Variants in AGBL4 observed in about 807,000 individuals in gnomAD.
AGBL4 encodes cytosolic carboxypeptidase 6.
In AGBL4, 58 loss-of-function variants were observed where a neutral mutation model predicts 66.4. The ratio of observed to expected loss-of-function variants is 0.87; its 90% CI spans 0.71 to 1.09. The LOEUF (loss-of-function observed/expected upper bound fraction) is 1.09, where lower values mean the gene tolerates loss of function less well. AGBL4 is among the 50% of genes least tolerant of loss of function. The probability of loss-of-function intolerance (pLI) is 0.00; values close to 1 mark genes in which losing one functional copy is unlikely to be tolerated. For synonymous variants in AGBL4, 234 were observed against 222.9 expected, an observed-to-expected ratio of 1.05 and a Z score of -0.44; for missense variants, 579 against 631.0, an observed-to-expected ratio of 0.92 and a Z score of 0.88.
At chr1:48,947,743 A>G (rs898642125) in intron 5 of AGBL4, among the ~76,000 whole-genome samples, 1 of 152,170 alleles carries the variant, frequency 6.6e-6, no homozygotes, top group Non-Finnish European at 1.5e-5. Context: ...CAGTCCCTCA[A>G]TGTAACTGAT....
chr1:49,639,440 A>G (rs1319137709), intron 3 of AGBL4, among the ~76,000 whole-genome samples: 1 of 152,224 alleles, frequency 6.6e-6, no homozygotes, highest in Non-Finnish European at 1.5e-5. Flanking sequence ...TATGTCTCAG[A>G]ACCACTATCA....
intron 3 of AGBL4, among the ~76,000 whole-genome samples, chr1:49,684,514 G>C (rs931085695): frequency 4.2e-4 from 64 of 152,232 alleles, no homozygotes; most frequent in Admixed American, 9.2e-4. Flanking sequence ...AAATTCCTCA[G>C]TGTGAAGCTC....
At chr1:49,207,542 TTTTCTTTCTTTCTTTCTTTCTTTCTTTC>T (rs71056688) in intron 4 of AGBL4, among the ~76,000 whole-genome samples, 3 of 78,030 alleles carry the variant, frequency 3.8e-5, no homozygotes, top group African/African-American at 9.7e-5. Flanking sequence ...TTTTTCTTTC[TTTTCTTTCTTTCTTTCTTTCTTTCTTTC>T]TTTCTTTCTT....
intron 6 of AGBL4, among the ~76,000 whole-genome samples, chr1:48,663,720 A>C (rs1570174211): frequency 6.6e-6 from 1 of 152,372 alleles, no homozygotes; most frequent in Non-Finnish European, 1.5e-5. Context: ...GGAGTAGAGA[A>C]GGTAGCTATT....
chr1:48,612,546 G>T (rs966794994), intron 9 of AGBL4, among the ~76,000 whole-genome samples: 3 of 152,180 alleles, frequency 2.0e-5, no homozygotes, highest in African/African-American at 7.2e-5. Context: ...CCTGGACATT[G>T]TCTCAGTACA....
Position 49,756,105 on chromosome 1 carries a change from T to A in AGBL4, c.158-58668A>T, listed in dbSNP as rs542145408. On this transcript the variant is annotated intron_variant, in intron 2 of 13. Coordinates refer to ENST00000371839, the MANE Select transcript of AGBL4 (RefSeq NM_032785.4). ...TATTTGAAATTATAAATTAAAAAAA[T>A]TTTTTTGAAATATCAATATAATTGC... is the stretch of plus-strand genomic sequence containing the variant. 4.7e-4 allele frequency among the ~76,000 whole-genome samples: 72 copies of A among 152,230 alleles called. 3 individuals are homozygous for A. The South Asian group carries it at 0.01, about 21-fold the overall frequency.
intron 3 of AGBL4, among the ~76,000 whole-genome samples, chr1:49,557,708 A>C (rs1284272043): frequency 6.6e-6 from 1 of 152,052 alleles, no homozygotes; most frequent in Non-Finnish European, 1.5e-5. Flanking sequence ...CCTAGGCCAT[A>C]AGGCCTTCAA....
At chr1:49,866,558 G>GT (rs1296254360) in intron 1 of AGBL4, among the ~76,000 whole-genome samples, 1 of 152,140 alleles carries the variant, frequency 6.6e-6, no homozygotes, top group Admixed American at 6.5e-5. Flanking sequence ...GAGGTCAGGA[G>GT]TTCGAGACCA....
chr1:48,945,961 G>A (rs1656467665), intron 5 of AGBL4, among the ~76,000 whole-genome samples: 1 of 152,150 alleles, frequency 6.6e-6, no homozygotes, highest in Non-Finnish European at 1.5e-5. Flanking sequence ...CACACAGTAA[G>A]TGTTCAATTA....
chr1:49,724,122 T>C (rs1648827475), intron 2 of AGBL4, among the ~76,000 whole-genome samples: 1 of 152,186 alleles, frequency 6.6e-6, no homozygotes, highest in Non-Finnish European at 1.5e-5. Context: ...TTTGGAACTC[T>C]CAGCAAGTAG....
chr1:48,973,604 G>A (rs2148955974), intron 5 of AGBL4, among the ~76,000 whole-genome samples: 1 of 152,144 alleles, frequency 6.6e-6, no homozygotes, highest in East Asian at 1.9e-4. Flanking sequence ...ACTATCTATG[G>A]GACTCAAGAG....
chr1:48,976,111 T>G (rs1474051413), intron 5 of AGBL4, among the ~76,000 whole-genome samples: 1 of 152,280 alleles, frequency 6.6e-6, no homozygotes, highest in Non-Finnish European at 1.5e-5. Context: ...GAGCAAGACA[T>G]TTGACAATGG....
chr1:48,741,479 A>G (rs1649900107), intron 6 of AGBL4, among the ~76,000 whole-genome samples: 1 of 152,252 alleles, frequency 6.6e-6, no homozygotes, highest in African/African-American at 2.4e-5. Flanking sequence ...GAAGGCAGCA[A>G]GGCAAGGCAG....
intron 3 of AGBL4, among the ~76,000 whole-genome samples, chr1:49,652,272 A>G (rs1257739034): frequency 6.6e-6 from 1 of 152,234 alleles, no homozygotes; most frequent in East Asian, 1.9e-4. Flanking sequence ...CTTGGCAAAC[A>G]TATTTGAGGA....
At chr1:49,971,069 A>G (rs1367295726) in intron 1 of AGBL4, among the ~76,000 whole-genome samples, 1 of 152,188 alleles carries the variant, frequency 6.6e-6, no homozygotes, top group Admixed American at 6.5e-5. Flanking sequence ...AATATAATTG[A>G]TAAAATTTTT....
chr1:49,263,203 C>T (rs1252236735), intron 3 of AGBL4, among the ~76,000 whole-genome samples: 1 of 151,438 alleles, frequency 6.6e-6, no homozygotes, highest in Non-Finnish European at 1.5e-5. Flanking sequence ...ATACCTAATG[C>T]TAAATGACGA....
intron 9 of AGBL4, among the ~76,000 whole-genome samples, chr1:48,609,904 G>C (rs2148378402): frequency 6.6e-6 from 1 of 152,220 alleles, no homozygotes; most frequent in Non-Finnish European, 1.5e-5. Context: ...GTCCTCCGAG[G>C]TCACCCTCTT....
At chr1:49,674,181 T>G (rs1051430271) in intron 3 of AGBL4, among the ~76,000 whole-genome samples, 1 of 152,244 alleles carries the variant, frequency 6.6e-6, no homozygotes, top group East Asian at 1.9e-4. Context: ...TTTAGAACTC[T>G]ATTTGAAATC....
chr1:49,734,998 G>A (rs975884390), intron 2 of AGBL4, among the ~76,000 whole-genome samples: 1 of 152,032 alleles, frequency 6.6e-6, no homozygotes, highest in Non-Finnish European at 1.5e-5. Context: ...ACAAAGATGT[G>A]AAATCAGTTA....
Sources: gnomAD v4.1 joint callset for allele counts (sites outside exome capture counted in the v4.1 genomes callset) on GRCh38, gnomAD v4.1.1 for gene constraint, MANE v1.5 for transcripts, NCBI Gene and HGNC (gene_info 2026-07-23, HGNC 2026-07-21) for gene names.